Variants in LIMS1 observed in about 807,000 individuals in gnomAD.
The protein encoded by LIMS1 is LIM zinc finger domain containing 1.
A neutral mutation model predicts 44.1 loss-of-function variants in LIMS1; 18 were observed. The ratio of observed to expected loss-of-function variants is 0.41; its 90% CI spans 0.28 to 0.61. LIMS1 has a LOEUF of 0.61. Ranked by LOEUF, LIMS1 falls within the 20% of genes least tolerant of loss-of-function variation. The pLI is 0.32. For missense variants in LIMS1, 201 were observed against 422.0 expected (o/e 0.48, Z 4.59); for synonymous variants, 93 against 149.1 (o/e 0.62, Z 2.74).
At chr2:108,658,794 CGTG>C (rs1451281775) in intron 1 of LIMS1, among the ~76,000 whole-genome samples, 1 of 151,022 alleles carries the variant, frequency 6.6e-6, no homozygotes, top group Non-Finnish European at 1.5e-5. Context: ...ACCTATGAAA[CGTG>C]GTGGTATCCC....
At chr2:108,566,442 G>A (rs962986575) in intron 1 of LIMS1, among the ~76,000 whole-genome samples, 2 of 152,102 alleles carry the variant, frequency 1.3e-5, no homozygotes, top group Admixed American at 6.6e-5. Flanking sequence ...ATATAGATGA[G>A]GAAACTGATT....
At chr2:108,561,140 T>C (rs1050771153) in intron 1 of LIMS1, among the ~76,000 whole-genome samples, 1 of 152,260 alleles carries the variant, frequency 6.6e-6, no homozygotes, top group African/African-American at 2.4e-5. Flanking sequence ...TCACTTAACC[T>C]GCTGTTGGAA....
At chr2:108,641,756 A>G (rs1004500352) in intron 1 of LIMS1, among the ~76,000 whole-genome samples, 4 of 152,074 alleles carry the variant, frequency 2.6e-5, no homozygotes, top group Non-Finnish European at 5.9e-5. Context: ...AAAAATTAGG[A>G]AAAAAAATTG....
chr2:108,624,749 T>G (rs1207346791), intron 1 of LIMS1, among the ~76,000 whole-genome samples: 1 of 151,172 alleles, frequency 6.6e-6, no homozygotes, highest in Non-Finnish European at 1.5e-5. Context: ...CAAGCAAGAC[T>G]ATGTCTCTAA....
intron 8 of LIMS1, 60 bp from the exon 9 acceptor site, chr2:108,680,635 T>C: frequency 3.7e-6 from 6 of 1,608,560 alleles, no homozygotes; most frequent in Non-Finnish European, 5.1e-6. Flanking sequence ...AATTCTAAGC[T>C]GCCCTGCTCC....
intron 1 of LIMS1, among the ~76,000 whole-genome samples, chr2:108,577,814 T>C (rs1333524912): frequency 6.6e-6 from 1 of 152,268 alleles, no homozygotes; most frequent in East Asian, 1.9e-4. Context: ...AATGAAAATC[T>C]ATTTTTTCTG....
At chr2:108,674,717 CT>C (rs1483706260) in intron 5 of LIMS1, among the ~76,000 whole-genome samples, 2 of 69,214 alleles carry the variant, frequency 2.9e-5, no homozygotes, top group Non-Finnish European at 5.5e-5. Flanking sequence ...CAAGACTCGT[CT>C]CAAAAAAAAA....
At chr2:108,660,107 C>T (rs1055228418) in intron 2 of LIMS1, 11 of 443,006 alleles carry the variant, frequency 2.5e-5, no homozygotes, top group Non-Finnish European at 4.4e-5. Context: ...TCAGGCCCCC[C>T]ACACACCTCA....
chr2:108,621,270 G>A lies in LIMS1; in HGVS notation c.33-38335G>A, dbSNP rs967873261. 8 of 1,528,920 alleles carry A rather than the reference G, an allele frequency of 5.2e-6. No individual in the cohort carries two copies. In the South Asian group the frequency reaches 6.1e-5, roughly 12 times the overall value. The allele number at this position is 1,528,920 out of a possible 1,614,324, so 94.7% of individuals were successfully genotyped here. On this transcript the variant is annotated intron_variant, in intron 1 of 9. Coordinates refer to ENST00000544547, the Ensembl canonical transcript of LIMS1. ...TGAGTCAGGTGTGCTGAGGTCCCTC[G>A]GCAAGGGACGCTGCTTTCCCCTGGC...
chr2:108,534,450 C>T lies in LIMS1; in HGVS notation c.-113C>T, dbSNP rs985533356. 2.3e-6 allele frequency: 2 copies of T among 887,154 alleles called. No individual in the cohort carries two copies. Among genetic ancestry groups the T allele is most frequent in the Non-Finnish European group, 2.9e-6 (2 of 695,300 alleles). The allele number at this position is 887,154 out of a possible 1,614,324, so 55.0% of individuals were successfully genotyped here. A position where few individuals can be genotyped will look rare whatever the true frequency, so the allele number is the denominator to read the frequency against. On this transcript the variant is annotated 5_prime_UTR_variant, in exon 1 of 10. Transcript: ENST00000544547. Reference sequence around the variant, plus strand: ...GCGGCCGGCCCCTGGCCTTCCTCCCCTTCCTGCTCCGGGCCCGCCAGTAGC... The same window carrying T: ...GCGGCCGGCCCCTGGCCTTCCTCCCTTTCCTGCTCCGGGCCCGCCAGTAGC...
At chr2:108,605,646 A>G (rs761049423) in intron 1 of LIMS1, among the ~76,000 whole-genome samples, 42 of 152,162 alleles carry the variant, frequency 2.8e-4, no homozygotes, top group Non-Finnish European at 5.3e-4. Context: ...AAGCAGAAGA[A>G]TGTGTCAGTG....
At chr2:108,538,794 A>G (rs1213727202) in intron 1 of LIMS1, among the ~76,000 whole-genome samples, 1 of 152,224 alleles carries the variant, frequency 6.6e-6, no homozygotes, top group Non-Finnish European at 1.5e-5. Context: ...TTGCTGTGCA[A>G]CCATCACTAC....
In LIMS1 at chr2:108,641,511, T is replaced by G. The variant is rs561867927; in HGVS notation, c.33-18094T>G. On this transcript the variant is annotated intron_variant, in intron 1 of 9. Transcript: ENST00000544547. ...AGGGAGAGAATTTGTTTTGTTCATT[T>G]CATTATTGTTAGGTGATAATCTTTT... Among the ~76,000 whole-genome samples the G allele has an allele frequency of 4.6e-5, 7 of 152,344 alleles. No homozygotes were observed. The East Asian group carries it at 1.3e-3, about 29-fold the overall frequency.
intron 1 of LIMS1, among the ~76,000 whole-genome samples, chr2:108,573,593 G>T (rs1357175017): frequency 6.6e-6 from 1 of 152,168 alleles, no homozygotes; most frequent in Non-Finnish European, 1.5e-5. Flanking sequence ...ATATTGCTGC[G>T]TGCCTGGTAG....
chr2:108,587,844 A>G (rs1188588360), intron 1 of LIMS1, among the ~76,000 whole-genome samples: 1 of 152,224 alleles, frequency 6.6e-6, no homozygotes, highest in Non-Finnish European at 1.5e-5. Flanking sequence ...TATCTGGGAC[A>G]GAAAGAATAA....
chr2:108,666,038 C>T (rs1386982185), intron 2 of LIMS1, among the ~76,000 whole-genome samples: 1 of 150,142 alleles, frequency 6.7e-6, no homozygotes, highest in Non-Finnish European at 1.5e-5. Flanking sequence ...GGGAACTTCA[C>T]CACACGCCAA....
chr2:108,638,482 G>A (rs376545383), intron 1 of LIMS1, among the ~76,000 whole-genome samples: 28 of 152,152 alleles, frequency 1.8e-4, no homozygotes, highest in Non-Finnish European at 3.4e-4. Flanking sequence ...GGTGGTTCAC[G>A]CCTGTAACCC....
chr2:108,673,376 A>G (rs1692271642), intron 5 of LIMS1: 1 of 337,124 alleles, frequency 3.0e-6, no homozygotes, highest in Non-Finnish European at 5.5e-6. Context: ...GAACCACGAT[A>G]CTTTTTGTAA....
chr2:108,643,460 A>G (rs1689846490), intron 1 of LIMS1, among the ~76,000 whole-genome samples: 1 of 152,152 alleles, frequency 6.6e-6, no homozygotes, highest in Admixed American at 6.6e-5. Context: ...CCCGGCCCAG[A>G]TGTTGCACTT....
Sources: allele counts gnomAD v4.1 joint callset (sites outside exome capture counted in the v4.1 genomes callset), GRCh38; gene constraint gnomAD v4.1.1; transcripts MANE v1.5; gene names NCBI Gene and HGNC (gene_info 2026-07-23, HGNC 2026-07-21).